Variants in HEBP2 observed in about 807,000 individuals in gnomAD.
HEBP2 encodes heme-binding protein 2.
Under a neutral mutation model 23.1 loss-of-function variants are expected in HEBP2, and 27 were observed. That is an observed-to-expected ratio of 1.17 (90% CI 0.86 to 1.61). HEBP2 has a LOEUF of 1.61. Among genes scored for constraint, HEBP2 ranks in the 40% most tolerant of loss-of-function variants. The pLI is 0.00. For missense variants in HEBP2, 245 were observed against 253.8 expected (o/e 0.97, Z 0.24); for synonymous variants, 99 against 95.1 (o/e 1.04, Z -0.24).
chr6:138,412,458 T>A (rs113410553), intron 3 of HEBP2, among the ~76,000 whole-genome samples: 1 of 152,114 alleles, frequency 6.6e-6, no homozygotes, highest in Non-Finnish European at 1.5e-5. Context: ...GCTTTTTTTA[T>A]TTTTATTTTT....
At chr6:138,404,712 C>T in intron 1 of HEBP2, 115 bp downstream of exon 1, 1 of 610,046 alleles carries the variant, frequency 1.6e-6, no homozygotes, top group East Asian at 3.5e-5. Flanking sequence ...TGGTCCCAGT[C>T]CCTACCCACT....
At chr6:138,405,944 A>G in intron 2 of HEBP2, 27 bp from the exon 3 acceptor site, 1 of 1,592,868 alleles carries the variant, frequency 6.3e-7, no homozygotes, top group South Asian at 1.1e-5. Flanking sequence ...AAAATACACT[A>G]AATTTGCTTT....
At position 138,415,108 on chromosome 6, in the gene HEBP2, T is replaced by G. The variant is rs1282178589; in HGVS notation, c.*2030T>G. 2 of 152,208 alleles carry G rather than the reference T, an allele frequency of 1.3e-5. No individual in the cohort carries two copies. The highest frequency in any genetic ancestry group is 2.9e-5 in the Non-Finnish European group (2 of 68,048). The allele number at this position is 152,208 out of a possible 1,614,324, so 9.4% of individuals were successfully genotyped here. On this transcript the variant is annotated 3_prime_UTR_variant, in exon 4 of 4. Coordinates refer to ENST00000607197, the MANE Select transcript of HEBP2 (RefSeq NM_014320.3). ...CTCGAAAGCCCTCTAATAAGCAGTC[T>G]CTGCTCTGGAGCTTTTTGGTGGGCT... is the stretch of plus-strand genomic sequence containing the variant.
chr6:138,419,049 A>G lies in HEBP2; in HGVS notation c.*5971A>G, dbSNP rs774322626. ...CCCACTAGATAGCACCCACCAGAGA[A>G]GAGGCACTAAACAACCAAGTAGATG... On this transcript the variant is annotated 3_prime_UTR_variant, in exon 4 of 4. Transcript: ENST00000607197. 1 of 152,078 alleles carries G rather than the reference A, an allele frequency of 6.6e-6. No individual in the cohort carries two copies. The highest frequency in any genetic ancestry group is 1.5e-5 in the Non-Finnish European group (1 of 68,038). 9.4% of individuals were successfully genotyped at this position (152,078 alleles called of 1,614,324 possible).
chr6:138,412,766 C>G, intron 3 of HEBP2, 114 bp from the exon 4 acceptor site: 1 of 891,728 alleles, frequency 1.1e-6, no homozygotes, highest in East Asian at 2.5e-5. Context: ...GAGGGAGTAA[C>G]TTTGGAGCTG....
intron 3 of HEBP2, 94 bp from the exon 4 acceptor site, chr6:138,412,786 C>T (rs1774770417): frequency 9.6e-7 from 1 of 1,039,816 alleles, no homozygotes; most frequent in Non-Finnish European, 1.5e-6. Flanking sequence ...GCACTTCACT[C>T]AGCATTCACG....
At chr6:138,411,451 C>T (rs575112466) in intron 3 of HEBP2, among the ~76,000 whole-genome samples, 1 of 152,286 alleles carries the variant, frequency 6.6e-6, no homozygotes, top group Non-Finnish European at 1.5e-5. Flanking sequence ...AGGGTTCTTC[C>T]TTCTAGTTCT....
chr6:138,409,720 C>G (rs1466387757), intron 3 of HEBP2, among the ~76,000 whole-genome samples: 1 of 152,144 alleles, frequency 6.6e-6, no homozygotes, highest in African/African-American at 2.4e-5. Flanking sequence ...CAGGGAAGCT[C>G]AGATTGTTCA....
In HEBP2 at chr6:138,411,387, C is replaced by T. The variant is rs1774742604; in HGVS notation, c.420-1493C>T. On this transcript the variant is annotated intron_variant, in intron 3 of 3. Transcript: ENST00000607197. ...CTAATCCAGATCTTATCAAGTTGCA[C>T]ATTTCAGCTCAACATCCTTGGAAAT... Among the ~76,000 whole-genome samples the T allele has an allele frequency of 2.0e-5, 3 of 152,202 alleles. No homozygotes were observed. The South Asian group carries it at 6.2e-4, about 32-fold the overall frequency.
At chr6:138,410,382 T>A (rs1169786267) in intron 3 of HEBP2, among the ~76,000 whole-genome samples, 7 of 152,182 alleles carry the variant, frequency 4.6e-5, no homozygotes, top group African/African-American at 1.7e-4. Flanking sequence ...TAAGGGAAAA[T>A]GAATTTGAAA....
intron 1 of HEBP2, 89 bp from the exon 2 acceptor site, chr6:138,405,056 G>T: frequency 6.9e-7 from 1 of 1,454,854 alleles, no homozygotes. Flanking sequence ...ACGGCTCCAG[G>T]TCGACCCGAG....
rs1182070561 is a variant in HEBP2, at chr6:138,418,106, C to G, written c.*5028C>G. The stretch of plus-strand genomic sequence containing the variant: ...CAAAATCCATCAACAAACAACATAA[C>G]ACTCATAATTACCAACATTCAGTAA... On this transcript the variant is annotated 3_prime_UTR_variant, in exon 4 of 4. Coordinates refer to ENST00000607197, the MANE Select transcript of HEBP2 (RefSeq NM_014320.3). 1 of 152,168 alleles carries G rather than the reference C, an allele frequency of 6.6e-6. No homozygotes were observed. Among genetic ancestry groups the G allele is most frequent in the Non-Finnish European group, 1.5e-5 (1 of 68,024 alleles). 9.4% of individuals were successfully genotyped at this position (152,168 alleles called of 1,614,324 possible).
At chr6:138,408,006 C>T (rs1774679762) in intron 3 of HEBP2, among the ~76,000 whole-genome samples, 1 of 152,188 alleles carries the variant, frequency 6.6e-6, no homozygotes, top group South Asian at 2.1e-4. Context: ...GTTCTGCCCT[C>T]CCCAGGCACT....
chr6:138,410,562 A>G (rs1333480524), intron 3 of HEBP2, among the ~76,000 whole-genome samples: 2 of 151,370 alleles, frequency 1.3e-5, no homozygotes, highest in Non-Finnish European at 1.5e-5. Flanking sequence ...GCTCACTGCA[A>G]TGTCCGCCTC....
Position 138,418,736 on chromosome 6 carries a change from C to T in HEBP2, c.*5658C>T, listed in dbSNP as rs1033650160. On this transcript the variant is annotated 3_prime_UTR_variant, in exon 4 of 4. Coordinates refer to ENST00000607197, the MANE Select transcript of HEBP2 (RefSeq NM_014320.3). ...GCTTGGTTTATTGATTAGTTATCTT[C>T]TGTAGTTGCAAGCTGAAAATGGACC... 1.3e-5 allele frequency: 2 copies of T among 152,124 alleles called. No individual in the cohort carries two copies. The highest frequency in any genetic ancestry group is 2.4e-5 in the African/African-American group (1 of 41,412). 9.4% of individuals were successfully genotyped at this position (152,124 alleles called of 1,614,324 possible).
chr6:138,403,694 C>A, upstream of HEBP2: 1 of 413,986 alleles, frequency 2.4e-6, no homozygotes, highest in Non-Finnish European at 4.3e-6. Context: ...CTCGGGAAAG[C>A]CCTGGTAACC....
intron 3 of HEBP2, among the ~76,000 whole-genome samples, chr6:138,410,168 A>G (rs1018708739): frequency 3.3e-5 from 5 of 152,070 alleles, no homozygotes; most frequent in Non-Finnish European, 7.3e-5. Flanking sequence ...TTATTTATAG[A>G]CGGAAATTTC....
At chr6:138,410,910 A>G (rs1446827390) in intron 3 of HEBP2, among the ~76,000 whole-genome samples, 1 of 152,230 alleles carries the variant, frequency 6.6e-6, no homozygotes, top group East Asian at 1.9e-4. Context: ...AGAGATTCCT[A>G]CACTTGACAG....
chr6:138,405,199 G>A lies in HEBP2; in HGVS notation c.157G>A (p.Val53Met). 1 of 1,614,084 alleles carries A rather than the reference G, an allele frequency of 6.2e-7. No homozygotes were observed. Among genetic ancestry groups the A allele is most frequent in the South Asian group, 1.1e-5 (1 of 91,068 alleles). ...ACCAGCCAAGTGGGTCAGCACGTCC[G>A]TGGAGTCTATGGACTGGGATTCAGC... ...YGPAKWVSTS[V>M]ESMDWDSAIQ... Residue 53 changes from valine to methionine, a missense_variant, in exon 2 of 4, where the codon GTG (valine) becomes ATG (methionine). Transcript: ENST00000607197.
Sources: allele counts gnomAD v4.1 joint callset (sites outside exome capture counted in the v4.1 genomes callset), GRCh38; gene constraint gnomAD v4.1.1; transcripts MANE v1.5; gene names NCBI Gene and HGNC (gene_info 2026-07-23, HGNC 2026-07-21).